Variants in PDE4B observed in about 807,000 individuals in gnomAD.
The protein encoded by PDE4B is 3',5'-cyclic-AMP phosphodiesterase 4B.
A neutral mutation model predicts 82.2 loss-of-function variants in PDE4B; 20 were observed. That is an observed-to-expected ratio of 0.24 (90% CI 0.17 to 0.35). The LOEUF (loss-of-function observed/expected upper bound fraction) is 0.35, where lower values mean the gene tolerates loss of function less well. Among genes scored for constraint, PDE4B ranks in the 10% least tolerant of loss-of-function variants. PDE4B has a pLI of 1.00. For missense variants in PDE4B, 655 were observed against 907.2 expected (o/e 0.72, Z 3.57); for synonymous variants, 320 against 318.9 (o/e 1.00, Z -0.04).
intron 3 of PDE4B, among the ~76,000 whole-genome samples, chr1:65,930,846 G>A (rs1325731632): frequency 2.0e-5 from 3 of 152,166 alleles, no homozygotes; most frequent in African/African-American, 7.2e-5. Context: ...TAAGACTTTG[G>A]GAAACTGTTG....
chr1:65,803,944 G>T (rs956511337), intron 1 of PDE4B, among the ~76,000 whole-genome samples: 4 of 152,204 alleles, frequency 2.6e-5, no homozygotes, highest in Non-Finnish European at 5.9e-5. Flanking sequence ...TGAATTGTAT[G>T]ATATGCTGAT....
intron 3 of PDE4B, among the ~76,000 whole-genome samples, chr1:65,951,204 G>T (rs956453865): frequency 6.6e-6 from 1 of 152,094 alleles, no homozygotes; most frequent in Non-Finnish European, 1.5e-5. Flanking sequence ...GAGGGATTAT[G>T]AGAACATCTC....
intron 1 of PDE4B, among the ~76,000 whole-genome samples, chr1:65,836,544 C>A (rs950642532): frequency 6.6e-6 from 1 of 152,122 alleles, no homozygotes. Flanking sequence ...AGGTAAACAC[C>A]GGGGCATCCT....
chr1:66,102,192 A>G (rs961688429), intron 3 of PDE4B, among the ~76,000 whole-genome samples: 3 of 152,190 alleles, frequency 2.0e-5, no homozygotes, highest in African/African-American at 7.2e-5. Context: ...ATTGGTCTAT[A>G]TCTCTATAAT....
chr1:66,014,714 CATTTAGCAGTAGG>C (rs1215612699), intron 3 of PDE4B, among the ~76,000 whole-genome samples: 2 of 152,148 alleles, frequency 1.3e-5, no homozygotes, highest in African/African-American at 2.4e-5. Context: ...CTGGCGAGAA[CATTTAGCAGTAGG>C]TGGGGACATT....
chr1:66,003,698 A>T (rs1651994071), intron 3 of PDE4B, among the ~76,000 whole-genome samples: 1 of 152,154 alleles, frequency 6.6e-6, no homozygotes, highest in Non-Finnish European at 1.5e-5. Flanking sequence ...TCAGCAGTTT[A>T]TACAGGAATT....
chr1:66,053,961 G>A (rs150759296), intron 3 of PDE4B, among the ~76,000 whole-genome samples: 1 of 152,264 alleles, frequency 6.6e-6, no homozygotes, highest in African/African-American at 2.4e-5. Flanking sequence ...CAGGACACAG[G>A]ATTTTCAGTG....
At chr1:66,048,534 T>C (rs1049139536) in intron 3 of PDE4B, among the ~76,000 whole-genome samples, 2 of 151,920 alleles carry the variant, frequency 1.3e-5, no homozygotes, top group African/African-American at 4.8e-5. Context: ...CTAAACATGA[T>C]TTACACTACA....
intron 1 of PDE4B, among the ~76,000 whole-genome samples, chr1:65,825,740 A>G (rs552226925): frequency 2.6e-5 from 4 of 151,688 alleles, no homozygotes; most frequent in African/African-American, 9.7e-5. Flanking sequence ...CTATCTATCT[A>G]TCTATCTATC....
intron 7 of PDE4B, among the ~76,000 whole-genome samples, chr1:66,298,994 T>A (rs1657702511): frequency 6.6e-6 from 1 of 152,186 alleles, no homozygotes; most frequent in Admixed American, 6.5e-5. Flanking sequence ...GTGATATTTT[T>A]ATATATGTAT....
chr1:66,212,046 C>T (rs1461619062), intron 3 of PDE4B, among the ~76,000 whole-genome samples: 2 of 152,174 alleles, frequency 1.3e-5, no homozygotes, highest in Admixed American at 6.6e-5. Context: ...ATTCTCTGCC[C>T]TCTTTGTGCA....
At chr1:65,902,316 G>A (rs568584656) in intron 1 of PDE4B, among the ~76,000 whole-genome samples, 2 of 152,210 alleles carry the variant, frequency 1.3e-5, no homozygotes, top group South Asian at 2.1e-4. Context: ...TTTGCCAATA[G>A]AAATGGAAGA....
chr1:66,221,112 T>C (rs1280639046), intron 3 of PDE4B, among the ~76,000 whole-genome samples: 1 of 152,096 alleles, frequency 6.6e-6, no homozygotes, highest in African/African-American at 2.4e-5. Flanking sequence ...GAGCCAGCCC[T>C]AGAAATAGGC....
At chr1:66,266,269 TA>T in intron 7 of PDE4B, 182 bp downstream of exon 7, 1 of 618,736 alleles carries the variant, frequency 1.6e-6, no homozygotes, top group Non-Finnish European at 2.9e-6. Context: ...AAAACCACAT[TA>T]AAAGCAGTAC....
At chr1:66,325,236 G>A (rs1199160872) in intron 7 of PDE4B, among the ~76,000 whole-genome samples, 1 of 152,172 alleles carries the variant, frequency 6.6e-6, no homozygotes, top group Non-Finnish European at 1.5e-5. Flanking sequence ...TAAAAGTAAA[G>A]CTGAATGTAA....
intron 3 of PDE4B, among the ~76,000 whole-genome samples, chr1:66,038,618 G>A (rs978900523): frequency 1.3e-5 from 2 of 152,072 alleles, no homozygotes; most frequent in African/African-American, 4.8e-5. Context: ...GTAGGATTTT[G>A]TGGTGGGGAA....
At chr1:66,139,591 T>C (rs1223318990) in intron 3 of PDE4B, among the ~76,000 whole-genome samples, 1 of 152,118 alleles carries the variant, frequency 6.6e-6, no homozygotes, top group Non-Finnish European at 1.5e-5. Context: ...AAAGTCTCTT[T>C]TATCATTTAA....
At chr1:66,099,024 T>C (rs1332211664) in intron 3 of PDE4B, among the ~76,000 whole-genome samples, 1 of 152,128 alleles carries the variant, frequency 6.6e-6, no homozygotes. Flanking sequence ...TTTTAAACAA[T>C]TTCATTTCAT....
intron 3 of PDE4B, among the ~76,000 whole-genome samples, chr1:66,179,027 T>G (rs1647003057): frequency 6.6e-6 from 1 of 152,118 alleles, no homozygotes; most frequent in African/African-American, 2.4e-5. Context: ...AATTTTTTTA[T>G]TTTTAGTAGA....
Sources: allele counts gnomAD v4.1 joint callset (sites outside exome capture counted in the v4.1 genomes callset), GRCh38; gene constraint gnomAD v4.1.1; transcripts MANE v1.5; gene names NCBI Gene and HGNC (gene_info 2026-07-23, HGNC 2026-07-21).